GSG1L: variants seen among roughly 807,000 people sequenced by gnomAD.
GSG1L encodes GSG1 like.
Under a neutral mutation model 42.1 loss-of-function variants are expected in GSG1L, and 24 were observed. The observed-to-expected ratio is 0.57, with a 90% CI of 0.41 to 0.80. The LOEUF (loss-of-function observed/expected upper bound fraction) is 0.80. Among genes scored for constraint, GSG1L ranks in the 30% least tolerant of loss-of-function variants. The pLI is 0.00. For missense variants in GSG1L, 445 were observed against 472.2 expected, an observed-to-expected ratio of 0.94 and a Z score of 0.53; for synonymous variants, 215 against 203.5, an observed-to-expected ratio of 1.06 and a Z score of -0.48.
Position 27,848,933 on chromosome 16 carries a change from C to T in GSG1L, c.551-3872G>A, listed in dbSNP as rs145340174. Among the ~76,000 whole-genome samples, 772 of 152,082 alleles carry T rather than the reference C, an allele frequency of 5.1e-3. 7 individuals carry two copies. The highest frequency in any genetic ancestry group is 0.018 in the African/African-American group (735 of 41,496). On this transcript the variant is annotated intron_variant, in intron 3 of 6. Transcript: ENST00000447459. ...AGGATGGGCCTGGTGCGGTGGCTCA[C>T]GCCTGTAATCCCAGCACTTTGGGAG...
intron 1 of GSG1L, among the ~76,000 whole-genome samples, chr16:27,989,122 C>T (rs191186049): frequency 2.0e-5 from 3 of 151,496 alleles, no homozygotes; most frequent in East Asian, 3.9e-4. Flanking sequence ...GACAGTTTCA[C>T]GCTGTCTTTA....
At chr16:28,031,139 G>GA in intron 1 of GSG1L, among the ~76,000 whole-genome samples, 1 of 147,442 alleles carries the variant, frequency 6.8e-6, no homozygotes, top group South Asian at 2.2e-4. Context: ...GATGGGATAG[G>GA]ATGGAATGGG....
chr16:28,028,098 C>G (rs900865988), intron 1 of GSG1L, among the ~76,000 whole-genome samples: 6 of 152,166 alleles, frequency 3.9e-5, no homozygotes, highest in African/African-American at 1.4e-4. Context: ...CTTTCCTAAG[C>G]CTATCACAAG....
At position 28,040,959 on chromosome 16, in the gene GSG1L, G is replaced by T. The variant is rs577256549; in HGVS notation, c.349+22117C>A. The stretch of plus-strand genomic sequence containing the variant: ...TGTGCCAAGTGCTAGGGTGAGGACT[G>T]CACCTCCGTGTCCTCTCAATCTCAC... On this transcript the variant is annotated intron_variant, in intron 1 of 6. Transcript: ENST00000447459. This position sits in a 1 kb window ranked among gnomAD's most constrained non-coding sequence, Gnocchi z 4.1. Among the ~76,000 whole-genome samples, 1 of 152,346 alleles carries T rather than the reference G, an allele frequency of 6.6e-6. No homozygotes were observed. The highest frequency in any genetic ancestry group is 2.4e-5 in the African/African-American group (1 of 41,580).
chr16:27,825,193 A>T (rs986697228), intron 5 of GSG1L, among the ~76,000 whole-genome samples: 1 of 152,150 alleles, frequency 6.6e-6, no homozygotes, highest in African/African-American at 2.4e-5. Flanking sequence ...GCCTCCAAAG[A>T]CAAGAGTCTA....
chr16:28,035,033 T>C (rs1392560913), intron 1 of GSG1L, among the ~76,000 whole-genome samples: 1 of 152,182 alleles, frequency 6.6e-6, no homozygotes, highest in African/African-American at 2.4e-5. Context: ...TTGTTATTTA[T>C]AGACAGTGTC....
intron 1 of GSG1L, among the ~76,000 whole-genome samples, chr16:28,002,451 T>C (rs566572403): frequency 6.6e-6 from 1 of 152,052 alleles, no homozygotes; most frequent in South Asian, 2.1e-4. Context: ...CAAGATCCCA[T>C]CTCTACAAAA....
intron 2 of GSG1L, among the ~76,000 whole-genome samples, chr16:27,887,262 CCTT>C (rs2084041744): frequency 2.0e-5 from 3 of 152,142 alleles, no homozygotes; most frequent in African/African-American, 7.2e-5. Flanking sequence ...GCCCTAGAAG[CCTT>C]CTATTTCTAC....
intron 1 of GSG1L, among the ~76,000 whole-genome samples, chr16:28,004,203 T>A (rs949743256): frequency 3.3e-5 from 5 of 152,082 alleles, no homozygotes; most frequent in African/African-American, 1.2e-4. Flanking sequence ...CTCTGCCCAC[T>A]CTCCTCAGTG....
chr16:27,852,870 G>A (rs1031324085), intron 3 of GSG1L, among the ~76,000 whole-genome samples: 3 of 152,060 alleles, frequency 2.0e-5, no homozygotes, highest in Non-Finnish European at 4.4e-5. Flanking sequence ...GTGAGGATGA[G>A]GATGGGCGGG....
intron 6 of GSG1L, among the ~76,000 whole-genome samples, chr16:27,803,260 C>T (rs950337403): frequency 1.2e-4 from 18 of 152,202 alleles, no homozygotes; most frequent in Middle Eastern, 3.4e-3. Flanking sequence ...TTCTCCATCG[C>T]GCCCCAAGCC....
chr16:27,892,520 T>C (rs1389537172), intron 2 of GSG1L, among the ~76,000 whole-genome samples: 1 of 151,952 alleles, frequency 6.6e-6, no homozygotes, highest in Non-Finnish European at 1.5e-5. Flanking sequence ...TCCCAGCACT[T>C]TGGGAGGCCG....
At chr16:27,946,643 GAAAGAAAGAAAGA>G (rs1258945046) in intron 2 of GSG1L, among the ~76,000 whole-genome samples, 948 of 10,794 alleles carry the variant, frequency 0.088, 28 homozygotes, top group African/African-American at 0.12. Context: ...AAGAAAGAAA[GAAAGAAAGAAAGA>G]AAAGAAAGAA....
At position 27,869,602 on chromosome 16, in the gene GSG1L, T is replaced by TGTCTCCATCTCTCTCTCCTCTCTGC. The variant is rs909602002; in HGVS notation, c.550+14859_550+14883dup. 4.3e-4 allele frequency among the ~76,000 whole-genome samples: 62 copies of TGTCTCCATCTCTCTCTCCTCTCTGC among 145,172 alleles called. 3 individuals are homozygous for TGTCTCCATCTCTCTCTCCTCTCTGC. The highest frequency in any genetic ancestry group is 1.4e-3 in the African/African-American group (54 of 37,326). On this transcript the variant is annotated intron_variant, in intron 3 of 6. Transcript: ENST00000447459. ...CACTCCCTCTCCTTCTCTCTGTCTC[T>TGTCTCCATCTCTCTCTCCTCTCTGC]GTCTCCATCTCTCTCTCCTCTCTGC...
At chr16:28,041,979 G>A (rs113121291) in intron 1 of GSG1L, among the ~76,000 whole-genome samples, 1,950 of 152,322 alleles carry the variant, frequency 0.013, 54 homozygotes, top group African/African-American at 0.044. Context: ...CAAAGACGTG[G>A]AGAAACGTGG....
chr16:27,991,762 TGA>T (rs2085459687), intron 1 of GSG1L, among the ~76,000 whole-genome samples: 1 of 152,168 alleles, frequency 6.6e-6, no homozygotes, highest in Admixed American at 6.5e-5. Flanking sequence ...TTACTTATTC[TGA>T]GAAAACCAAA....
At chr16:27,955,373 C>A in intron 2 of GSG1L, among the ~76,000 whole-genome samples, 1 of 151,086 alleles carries the variant, frequency 6.6e-6, no homozygotes, top group Admixed American at 6.6e-5. Context: ...GAATAAATAT[C>A]TGAGGAATAA....
chr16:28,055,440 A>T (rs2086268940), intron 1 of GSG1L, among the ~76,000 whole-genome samples: 1 of 149,644 alleles, frequency 6.7e-6, no homozygotes, highest in South Asian at 2.1e-4. Context: ...CCGAGCTAGC[A>T]TTGTTCTAAT....
chr16:27,810,677 C>CT (rs1252317914), intron 5 of GSG1L, among the ~76,000 whole-genome samples: 4 of 150,934 alleles, frequency 2.7e-5, no homozygotes, highest in Admixed American at 6.6e-5. Flanking sequence ...AGGATAATGT[C>CT]TTTTTTTTTA....
Sources: allele counts gnomAD v4.1 joint callset (sites outside exome capture counted in the v4.1 genomes callset), GRCh38; gene constraint gnomAD v4.1.1; non-coding constraint Gnocchi (gnomAD v3.1); transcripts MANE v1.5; gene names NCBI Gene and HGNC (gene_info 2026-07-23, HGNC 2026-07-21).